COG4: variants seen among roughly 807,000 people sequenced by gnomAD.
COG4 encodes component of oligomeric golgi complex 4.
COG4 carries 65 observed loss-of-function variants against 95.1 expected under a neutral mutation model. That is an observed-to-expected ratio of 0.68 (90% CI 0.56 to 0.84). The LOEUF is 0.84. COG4 is among the 40% of genes least tolerant of loss of function. The pLI, the probability that COG4 is intolerant of heterozygous loss-of-function variation, is 0.00. For missense variants in COG4, 1,045 were observed against 989.1 expected, an observed-to-expected ratio of 1.06 and a Z score of -0.76; for synonymous variants, 421 against 374.8, an observed-to-expected ratio of 1.12 and a Z score of -1.42.
intron 7 of COG4, chr16:70,508,833 G>A (rs1236976160): frequency 1.8e-6 from 1 of 540,552 alleles, no homozygotes; most frequent in African/African-American, 1.9e-5. Flanking sequence ...TTCTGAAAAA[G>A]CAAACGTTAT....
chr16:70,488,349 G>A (rs773392902), intron 13 of COG4, among the ~76,000 whole-genome samples: 71 of 151,956 alleles, frequency 4.7e-4, no homozygotes, highest in Non-Finnish European at 8.4e-4. Context: ...GGCCAGGCTT[G>A]AATGCCTGAT....
rs538748385 is a variant in COG4, at chr16:70,502,894, G to C, written c.1062-1803C>G. Among the ~76,000 whole-genome samples the C allele has an allele frequency of 1.1e-4, 16 of 152,282 alleles. No individual in the cohort carries two copies. The East Asian group carries it at 2.3e-3, about 22-fold the overall frequency. ...CAGATGGTTGACTGATTTTCAATGAGCGCTAGGACAATTCAATAAACAACG... is the reference window on the plus strand; with the variant it reads ...CAGATGGTTGACTGATTTTCAATGACCGCTAGGACAATTCAATAAACAACG... On this transcript the variant is annotated intron_variant, in intron 8 of 18. Transcript: ENST00000323786.
At chr16:70,522,509 A>AGTTTTC (rs2049970291) in intron 1 of COG4, among the ~76,000 whole-genome samples, 1 of 152,236 alleles carries the variant, frequency 6.6e-6, no homozygotes, top group Non-Finnish European at 1.5e-5. Context: ...AACGTATCAG[A>AGTTTTC]AACTGCTAGA....
At chr16:70,481,912 G>A in intron 16 of COG4, 47 bp from the exon 17 acceptor site, 1 of 1,528,464 alleles carries the variant, frequency 6.5e-7, no homozygotes, top group Non-Finnish European at 9.0e-7. Context: ...TAACTCCTCT[G>A]CCTCTATGCT....
chr16:70,488,909 T>C (rs1423414143), intron 13 of COG4, among the ~76,000 whole-genome samples: 1 of 152,232 alleles, frequency 6.6e-6, no homozygotes, highest in East Asian at 1.9e-4. Context: ...ATGCCTCTCA[T>C]GTACTAAGTG....
intron 1 of COG4, 150 bp from the exon 2 acceptor site, chr16:70,519,881 T>G (rs1330347867): frequency 2.8e-6 from 2 of 703,282 alleles, no homozygotes; most frequent in East Asian, 5.4e-5. Flanking sequence ...AATGCTTCAT[T>G]TTGCACTTAT....
Position 70,482,753 on chromosome 16 carries a change from G to C in COG4, c.1896C>G (p.Phe632Leu), listed in dbSNP as rs1215483236. 2 of 1,613,762 alleles carry C rather than the reference G, an allele frequency of 1.2e-6. No homozygotes were observed. Among genetic ancestry groups the C allele is most frequent in the Admixed American group, 1.7e-5 (1 of 59,986 alleles). Residue 632 changes from phenylalanine (F) to leucine (L), a missense_variant, in exon 15 of 19, where the codon TTC (phenylalanine) becomes TTG (leucine). Transcript: ENST00000323786. ...CCTCCTCGATGTTGTGGGAGACGGA[G>C]AAAAAGCTGTTGATCCAAGGCTGCA... is the stretch of plus-strand genomic sequence containing the variant. Reference protein sequence around the residue: ...PQVQPWINSFFSVSHNIEEEE... With the variant: ...PQVQPWINSFLSVSHNIEEEE...
At position 70,482,751 on chromosome 16, in the gene COG4, G is replaced by A. The variant is rs776265939; in HGVS notation, c.1898C>T (p.Ser633Phe). Residue 633 changes from serine to phenylalanine, a missense_variant, in exon 15 of 19, where the codon TCC becomes TTC. Ser to Phe is a radical substitution (Grantham distance 155). Transcript: ENST00000323786. ...QVQPWINSFFSVSHNIEEEEF... is the reference protein window; with the variant it reads ...QVQPWINSFFFVSHNIEEEEF... The stretch of plus-strand genomic sequence containing the variant: ...AACCTCCTCGATGTTGTGGGAGACG[G>A]AGAAAAAGCTGTTGATCCAAGGCTG... The A allele has an allele frequency of 3.7e-6, 6 of 1,613,854 alleles. No homozygotes were observed. Among genetic ancestry groups the A allele is most frequent in the Middle Eastern group, 1.6e-4 (1 of 6,062 alleles).
chr16:70,497,226 G>T lies in COG4; in HGVS notation c.1476C>A (p.Asp492Glu). Residue 492 changes from aspartate (D) to glutamate (E), a missense_variant, in exon 11 of 19, where the codon GAC becomes GAA. Coordinates refer to ENST00000323786, the MANE Select transcript of COG4 (RefSeq NM_015386.3). ...AGAAAGGGAGTCAACTGTACCTGAA[G>T]TCAGACTCCAGCTCTGTGGTGGCGA... is the stretch of plus-strand genomic sequence containing the variant. The part of the protein sequence containing the change: ...INLATTELES[D>E]FRDVLCNKLR... The T allele has an allele frequency of 6.2e-7, 1 of 1,614,132 alleles. No homozygotes were observed. Among genetic ancestry groups the T allele is most frequent in the South Asian group, 1.1e-5 (1 of 91,082 alleles).
At chr16:70,491,824 CAAAAAAA>C (rs772831502) in intron 12 of COG4, among the ~76,000 whole-genome samples, 51 of 59,346 alleles carry the variant, frequency 8.6e-4, no homozygotes, top group South Asian at 2.3e-3. Context: ...AACTACGTCT[CAAAAAAA>C]AAAAAAAAAA....
At chr16:70,508,724 TCTC>T (rs1469679812) in intron 7 of COG4, 1 of 634,642 alleles carries the variant, frequency 1.6e-6, no homozygotes, top group South Asian at 1.6e-5. Flanking sequence ...CTGTTTATAG[TCTC>T]CTAGTCTGGA....
intron 6 of COG4, among the ~76,000 whole-genome samples, chr16:70,509,654 T>C (rs1445432543): frequency 6.6e-6 from 1 of 152,228 alleles, no homozygotes; most frequent in Non-Finnish European, 1.5e-5. Flanking sequence ...CATCACTCGC[T>C]TTCCAGTAAT....
In COG4 at chr16:70,501,216, G is replaced by A. The variant is rs187711273; in HGVS notation, c.1062-125C>T. The A allele has an allele frequency of 8.8e-5, 91 of 1,029,484 alleles. 1 individual carries two copies. The South Asian group carries it at 9.2e-4, about 10-fold the overall frequency. 63.8% of individuals were successfully genotyped at this position (1,029,484 alleles called of 1,614,324 possible). The stretch of plus-strand genomic sequence containing the variant: ...CCCATAAGGAAAAGCTCTGCCAGAT[G>A]GCCCTCCTAGCTCTGCTGGCCCAAT... On this transcript the variant is annotated intron_variant, in intron 8 of 18. Coordinates refer to ENST00000323786, the MANE Select transcript of COG4 (RefSeq NM_015386.3).
At chr16:70,481,652 G>A in intron 17 of COG4, 112 bp downstream of exon 17, 1 of 1,343,742 alleles carries the variant, frequency 7.4e-7, no homozygotes, top group Non-Finnish European at 1.1e-6. Flanking sequence ...ACCCAGACAT[G>A]CAGGGCCTGT....
Position 70,481,149 on chromosome 16 carries a change from G to C in COG4, c.2236-5C>G. 1.4e-5 allele frequency: 23 copies of C among 1,613,360 alleles called. No individual in the cohort carries two copies. The highest frequency in any genetic ancestry group is 1.9e-5 in the Non-Finnish European group (22 of 1,179,932). On this transcript the variant is annotated splice_region_variant and splice_polypyrimidine_tract_variant and intron_variant, in intron 18 of 18. Transcript: ENST00000323786. ...GTAATCGAGGATCTCGGTCACCTGT[G>C]GGGAAGGACATAGAGACCAGTCAGC...
Position 70,508,402 on chromosome 16 carries a change from T to C in COG4, c.1061+4A>G, listed in dbSNP as rs781120905. The stretch of plus-strand genomic sequence containing the variant: ...TGGGCTGAAGAAGAGAGAAGGATTA[T>C]TACCTTGGTTCGATTTTTTCTGTTG... On this transcript the variant is annotated splice_donor_region_variant and intron_variant, in intron 8 of 18. Transcript: ENST00000323786. 3.7e-6 allele frequency: 6 copies of C among 1,611,924 alleles called. No individual in the cohort carries two copies. Among genetic ancestry groups the C allele is most frequent in the Non-Finnish European group, 5.1e-6 (6 of 1,178,028 alleles).
intron 3 of COG4, among the ~76,000 whole-genome samples, chr16:70,516,362 T>C (rs2049823069): frequency 6.6e-6 from 1 of 151,736 alleles, no homozygotes; most frequent in South Asian, 2.1e-4. Context: ...AGAGGCGCCA[T>C]CTCGGCTCAC....
intron 5 of COG4, among the ~76,000 whole-genome samples, chr16:70,511,376 C>T (rs1364354860): frequency 6.6e-6 from 1 of 151,896 alleles, no homozygotes; most frequent in Non-Finnish European, 1.5e-5. Context: ...TTCTTAACGG[C>T]ATAATAATGG....
At chr16:70,512,665 C>G (rs2049733582) in intron 4 of COG4, among the ~76,000 whole-genome samples, 1 of 152,152 alleles carries the variant, frequency 6.6e-6, no homozygotes, top group Non-Finnish European at 1.5e-5. Context: ...TGATGAAATA[C>G]AGTACATGAT....
Sources: allele counts gnomAD v4.1 joint callset (sites outside exome capture counted in the v4.1 genomes callset), GRCh38; gene constraint gnomAD v4.1.1; transcripts MANE v1.5; gene names NCBI Gene and HGNC (gene_info 2026-07-23, HGNC 2026-07-21).